Variants in BSN observed in about 807,000 individuals in gnomAD.
BSN encodes the protein bassoon presynaptic cytomatrix protein, also known as protein bassoon.
BSN carries 57 observed loss-of-function variants against 264.8 expected under a neutral mutation model. That is an observed-to-expected ratio of 0.22 (90% CI 0.17 to 0.27). The LOEUF is 0.27. BSN is among the 10% of genes least tolerant of loss of function. The pLI, the probability that BSN is intolerant of heterozygous loss-of-function variation, is 1.00. For synonymous variants in BSN, 2,059 were observed against 2,137.3 expected (o/e 0.96, Z 1.01); for missense variants, 4,615 against 5,232.5 (o/e 0.88, Z 3.64).
rs1339789073 is a variant in BSN, at chr3:49,661,193, C to T, written c.9348C>T (p.Gly3116=). ...ACCAGCAGGCTTTCCGCCCCACAGG[C>T]CACTATGCAGGCCAAACACCCATGC... ...LPNQQAFRPT[G]HYAGQTPMPT... The change falls in exon 6 of 12, where the codon GGC becomes GGT. Residue 3116 remains glycine (G), a synonymous_variant. Coordinates refer to ENST00000296452, the MANE Select transcript of BSN (RefSeq NM_003458.4). 6.2e-6 allele frequency: 10 copies of T among 1,613,642 alleles called. No individual in the cohort carries two copies. Among genetic ancestry groups the T allele is most frequent in the Non-Finnish European group, 8.5e-6 (10 of 1,180,040 alleles).
At chr3:49,637,853 C>T (rs773182458) in intron 2 of BSN, among the ~76,000 whole-genome samples, 13 of 152,216 alleles carry the variant, frequency 8.5e-5, no homozygotes, top group Non-Finnish European at 1.6e-4. Context: ...GCCACTTAGG[C>T]CCCCACTGGG....
chr3:49,556,757 A>C (rs1367222422), intron 1 of BSN, among the ~76,000 whole-genome samples: 1 of 152,238 alleles, frequency 6.6e-6, no homozygotes, highest in Admixed American at 6.5e-5. Context: ...CAGATACCTG[A>C]TGCCAAATTT....
chr3:49,628,553 C>T (rs534808608), intron 2 of BSN, among the ~76,000 whole-genome samples: 1 of 152,302 alleles, frequency 6.6e-6, no homozygotes, highest in South Asian at 2.1e-4. Flanking sequence ...TGGAGGTCTA[C>T]TACACTTACA....
In BSN at chr3:49,651,624, A is replaced by G; in HGVS notation, c.2068A>G (p.Ile690Val). 1 of 1,614,054 alleles carries G rather than the reference A, an allele frequency of 6.2e-7. No individual in the cohort carries two copies. The highest frequency in any genetic ancestry group is 8.5e-7 in the Non-Finnish European group (1 of 1,179,978). ...TGACACAGGCTATTCCTCTGACGGC[A>G]TCTCTAGCTCCCAGAGTGAGATCAC... ...LSDTGYSSDGISSSQSEITGV... is the reference protein window; with the variant it reads ...LSDTGYSSDGVSSSQSEITGV... The change falls in exon 5 of 12, where the codon ATC becomes GTC. Residue 690 changes from isoleucine to valine, a missense_variant. Around this residue, in one of 3 missense-constraint regions of BSN, gnomAD observed 1,197 missense variants for 1,348.0 expected, o/e 0.89. Transcript: ENST00000296452. The surrounding 1 kb of genome is among the most constrained non-coding windows in gnomAD (Gnocchi z 5.4).
chr3:49,661,615 T>C lies in BSN; in HGVS notation c.9770T>C (p.Leu3257Pro), dbSNP rs1575452324. The C allele has an allele frequency of 6.2e-7, 1 of 1,613,604 alleles. No homozygotes were observed. Among genetic ancestry groups the C allele is most frequent in the Non-Finnish European group, 8.5e-7 (1 of 1,180,038 alleles). Reference protein sequence around the residue: ...TAPDSQRLEPLGPGSSGRPGK... With the variant: ...TAPDSQRLEPPGPGSSGRPGK... ...CCTGATAGCCAACGGCTGGAGCCCC[T>C]GGGGCCAGGCAGCAGTGGGCGTCCA... The change falls in exon 6 of 12, where the codon CTG becomes CCG. Residue 3257 changes from leucine (L) to proline (P), a missense_variant. Physicochemically the swap from Leu to Pro is moderately conservative, Grantham distance 98 (BLOSUM62 -3). Coordinates refer to ENST00000296452, the MANE Select transcript of BSN (RefSeq NM_003458.4).
intron 1 of BSN, among the ~76,000 whole-genome samples, chr3:49,582,700 C>A (rs1292889911): frequency 6.6e-6 from 1 of 152,064 alleles, no homozygotes; most frequent in Admixed American, 6.6e-5. Context: ...GGTAAAACTT[C>A]CTTGCACATC....
chr3:49,654,478 C>A lies in BSN; in HGVS notation c.4922C>A (p.Ser1641Tyr). 6.2e-7 allele frequency: 1 copy of A among 1,609,900 alleles called. No homozygotes were observed. Among genetic ancestry groups the A allele is most frequent in the Non-Finnish European group, 8.5e-7 (1 of 1,178,152 alleles). ...GWGALPAENI[S>Y]LCRISSVPGT... ...GGTGCCCTCCCTGCTGAGAACATCT[C>A]CCTGTGCCGGATCTCCTCTGTCCCT... Residue 1641 changes from serine to tyrosine, a missense_variant, in exon 5 of 12, where the codon TCC becomes TAC. Physicochemically the swap from Ser to Tyr is moderately radical, Grantham distance 144 (BLOSUM62 -2). Coordinates refer to ENST00000296452, the MANE Select transcript of BSN (RefSeq NM_003458.4). The surrounding 1 kb of genome is among the most constrained non-coding windows in gnomAD (Gnocchi z 4.1).
intron 1 of BSN, among the ~76,000 whole-genome samples, chr3:49,602,507 ACT>A (rs1248013908): frequency 6.8e-6 from 1 of 147,856 alleles, no homozygotes; most frequent in Non-Finnish European, 1.5e-5. Flanking sequence ...GTGCAATGAC[ACT>A]GTCTTGGCTC....
intron 1 of BSN, among the ~76,000 whole-genome samples, chr3:49,605,721 TA>T (rs2052126891): frequency 1.7e-5 from 1 of 57,766 alleles, no homozygotes; most frequent in African/African-American, 6.8e-5. Flanking sequence ...ATATAACATA[TA>T]AATGTATATA....
intron 1 of BSN, among the ~76,000 whole-genome samples, chr3:49,556,899 G>A (rs751156878): frequency 1.3e-5 from 2 of 152,158 alleles, no homozygotes; most frequent in East Asian, 1.9e-4. Context: ...TTTGAATTTC[G>A]GGGCAGTCAG....
intron 9 of BSN, 50 bp downstream of exon 9, chr3:49,664,604 G>A: frequency 6.4e-7 from 1 of 1,555,680 alleles, no homozygotes; most frequent in Non-Finnish European, 8.7e-7. Flanking sequence ...TCTGGTACAG[G>A]CTGGGTCTGT....
chr3:49,599,067 G>T (rs954241157), intron 1 of BSN, among the ~76,000 whole-genome samples: 4 of 152,154 alleles, frequency 2.6e-5, no homozygotes, highest in African/African-American at 7.2e-5. Flanking sequence ...CTTCCAGGCA[G>T]CTAAGGATGT....
intron 1 of BSN, among the ~76,000 whole-genome samples, chr3:49,571,663 G>A (rs2051796544): frequency 6.6e-6 from 1 of 152,146 alleles, no homozygotes; most frequent in Non-Finnish European, 1.5e-5. Flanking sequence ...TGAGGACAGA[G>A]ATTGTTCATC....
chr3:49,651,568 A>G lies in BSN; in HGVS notation c.2012A>G (p.Gln671Arg). 1.3e-6 allele frequency: 2 copies of G among 1,591,872 alleles called. No homozygotes were observed. Among genetic ancestry groups the G allele is most frequent in the South Asian group, 1.1e-5 (1 of 87,298 alleles). Reference protein sequence around the residue: ...AEDLVGKPYSQDASRSPQSLS... With the variant: ...AEDLVGKPYSRDASRSPQSLS... Reference sequence around the variant, plus strand: ...GACCTGGTGGGCAAGCCTTACTCTCAGGATGCGTCTCGGAGCCCACAGAGC... The same window carrying G: ...GACCTGGTGGGCAAGCCTTACTCTCGGGATGCGTCTCGGAGCCCACAGAGC... Residue 671 changes from glutamine (Q) to arginine (R), a missense_variant, in exon 5 of 12, where the codon CAG (glutamine) becomes CGG (arginine). This residue lies in a region of BSN where 1,197 missense variants were observed against 1,348.0 expected (regional missense o/e 0.89). Coordinates refer to ENST00000296452, the MANE Select transcript of BSN (RefSeq NM_003458.4). The surrounding 1 kb of genome is among the most constrained non-coding windows in gnomAD (Gnocchi z 5.4).
intron 1 of BSN, among the ~76,000 whole-genome samples, chr3:49,581,303 C>T (rs1446090351): frequency 6.6e-6 from 1 of 152,116 alleles, no homozygotes; most frequent in Non-Finnish European, 1.5e-5. Context: ...TATTGATGGG[C>T]ACTTGGGTTG....
intron 1 of BSN, among the ~76,000 whole-genome samples, chr3:49,601,623 T>TAGAG (rs1367422587): frequency 4.6e-5 from 7 of 152,220 alleles, no homozygotes; most frequent in Admixed American, 3.3e-4. Context: ...CTGATTTCTC[T>TAGAG]GGAGGCCGTC....
In BSN at chr3:49,625,121, G is replaced by A; in HGVS notation, c.371G>A (p.Gly124Asp). 1 of 1,601,696 alleles carries A rather than the reference G, an allele frequency of 6.2e-7. No individual in the cohort carries two copies. The highest frequency in any genetic ancestry group is 8.5e-7 in the Non-Finnish European group (1 of 1,174,284). The stretch of plus-strand genomic sequence containing the variant: ...GGACCAGCAGGCCAGGAGGCTGATG[G>A]TCCCCGCAGGACGCTGCAGGTAGAC... ...AQGPAGQEAD[G>D]PRRTLQVDSR... The change falls in exon 2 of 12, where the codon GGT (glycine) becomes GAT (aspartate). Residue 124 changes from glycine to aspartate, a missense_variant. Transcript: ENST00000296452. The surrounding 1 kb of genome is among the most constrained non-coding windows in gnomAD (Gnocchi z 4.4).
intron 1 of BSN, among the ~76,000 whole-genome samples, chr3:49,591,268 A>G (rs145969190): frequency 9.5e-4 from 144 of 152,282 alleles, no homozygotes; most frequent in African/African-American, 3.2e-3. Context: ...TTACACTTCT[A>G]TATGTTACAT....
At position 49,657,387 on chromosome 3, in the gene BSN, A is replaced by G. The variant is rs769696975; in HGVS notation, c.7831A>G (p.Ser2611Gly). 6.2e-7 allele frequency: 1 copy of G among 1,613,252 alleles called. No individual in the cohort carries two copies. Among genetic ancestry groups the G allele is most frequent in the Non-Finnish European group, 8.5e-7 (1 of 1,180,022 alleles). The change falls in exon 5 of 12, where the codon AGT (serine) becomes GGT (glycine). Residue 2611 changes from serine to glycine, a missense_variant. This residue lies in a region of BSN where 3,415 missense variants were observed against 3,866.4 expected (regional missense o/e 0.88). Coordinates refer to ENST00000296452, the MANE Select transcript of BSN (RefSeq NM_003458.4). The stretch of plus-strand genomic sequence containing the variant: ...CCGGGCACGGCGGAGTGCTGACTGC[A>G]GTGTGCAGACGGACGACGAAGACAG... ...RRRARRSADCSVQTDDEDSAE... is the reference protein window; with the variant it reads ...RRRARRSADCGVQTDDEDSAE...
Sources: gnomAD v4.1 joint callset for allele counts (sites outside exome capture counted in the v4.1 genomes callset) on GRCh38, gnomAD v4.1.1 for gene constraint, gnomAD v4.1.1 regional missense constraint, Gnocchi (gnomAD v3.1) non-coding constraint, MANE v1.5 for transcripts, NCBI Gene and HGNC (gene_info 2026-07-23, HGNC 2026-07-21) for gene names.